The following GRIK4 variants were observed in gnomAD, a reference collection of about 807,000 sequenced individuals.
GRIK4 encodes the protein glutamate ionotropic receptor kainate type subunit 4, also known as glutamate receptor ionotropic, kainate 4.
A neutral mutation model predicts 104.9 loss-of-function variants in GRIK4; 40 were observed. The observed-to-expected ratio is 0.38, with a 90% CI of 0.30 to 0.50. GRIK4 has a LOEUF of 0.50. Among genes scored for constraint, GRIK4 ranks in the 20% least tolerant of loss-of-function variants. The pLI is 0.93. For synonymous variants in GRIK4, 485 were observed against 524.9 expected, an observed-to-expected ratio of 0.92 and a Z score of 1.04; for missense variants, 1,047 against 1,308.1, an observed-to-expected ratio of 0.80 and a Z score of 3.08.
chr11:120,514,095 GA>G (rs1947694173), intron 1 of GRIK4, among the ~76,000 whole-genome samples: 1 of 152,156 alleles, frequency 6.6e-6, no homozygotes, highest in Non-Finnish European at 1.5e-5. Flanking sequence ...AGGACAGGGG[GA>G]CCGGCCCTGG....
At chr11:120,610,833 C>G (rs79342674) in intron 1 of GRIK4, among the ~76,000 whole-genome samples, 4,762 of 152,254 alleles carry the variant, frequency 0.031, 106 homozygotes, top group Middle Eastern at 0.068. Context: ...GGGATTCTTG[C>G]TACAGGTTAT....
In GRIK4 at chr11:120,702,113, G is replaced by A. The variant is rs1359065951; in HGVS notation, c.82+41713G>A. On this transcript the variant is annotated intron_variant, in intron 3 of 20. Transcript: ENST00000527524. Reference sequence around the variant, plus strand: ...TGGGACTACAGGTGCACGCCACCACGCCTGGCTAATTTTTGTATTTTTAGT... The same window carrying A: ...TGGGACTACAGGTGCACGCCACCACACCTGGCTAATTTTTGTATTTTTAGT... 2.6e-5 allele frequency among the ~76,000 whole-genome samples: 4 copies of A among 151,990 alleles called. No individual in the cohort carries two copies. The South Asian group carries it at 6.2e-4, about 24-fold the overall frequency.
At chr11:120,849,163 G>GCACACA (rs143931502) in intron 8 of GRIK4, among the ~76,000 whole-genome samples, 2 of 149,956 alleles carry the variant, frequency 1.3e-5, no homozygotes, top group African/African-American at 2.4e-5. Context: ...CCCAACGCGC[G>GCACACA]CACACACACA....
At chr11:120,582,589 A>G (rs986204549) in intron 1 of GRIK4, among the ~76,000 whole-genome samples, 1 of 152,204 alleles carries the variant, frequency 6.6e-6, no homozygotes, top group Non-Finnish European at 1.5e-5. Flanking sequence ...GCACCCACTT[A>G]TAAGTAAGAA....
At chr11:120,514,438 C>T (rs934558360) in intron 1 of GRIK4, among the ~76,000 whole-genome samples, 2 of 152,192 alleles carry the variant, frequency 1.3e-5, no homozygotes, top group African/African-American at 4.8e-5. Flanking sequence ...GGGTCCCAGG[C>T]CCCTGGACGC....
At chr11:120,704,735 CT>C (rs774632394) in intron 3 of GRIK4, among the ~76,000 whole-genome samples, 2,569 of 142,854 alleles carry the variant, frequency 0.018, 52 homozygotes, top group African/African-American at 0.052. Flanking sequence ...ACTCTGCAAA[CT>C]TTTTTTTTTT....
chr11:120,521,552 A>G (rs903841626), intron 1 of GRIK4, among the ~76,000 whole-genome samples: 2 of 152,152 alleles, frequency 1.3e-5, no homozygotes, highest in Non-Finnish European at 2.9e-5. Flanking sequence ...TAGTTATTTG[A>G]TTGGAAAGTT....
chr11:120,816,282 GAT>G (rs1486568737), intron 5 of GRIK4, among the ~76,000 whole-genome samples: 2 of 152,036 alleles, frequency 1.3e-5, no homozygotes, highest in East Asian at 3.9e-4. Context: ...TTCCCCTTCA[GAT>G]ATATCCTCGG....
intron 13 of GRIK4, among the ~76,000 whole-genome samples, chr11:120,907,007 G>C (rs972807992): frequency 2.6e-5 from 4 of 152,182 alleles, no homozygotes; most frequent in African/African-American, 9.7e-5. Flanking sequence ...CAGGGCGAAG[G>C]CTTCAGCAGA....
chr11:120,516,409 G>A (rs1007635415), intron 1 of GRIK4, among the ~76,000 whole-genome samples: 2 of 152,256 alleles, frequency 1.3e-5, no homozygotes, highest in South Asian at 2.1e-4. Context: ...AGGACTGGGC[G>A]CTCGGGCACA....
At chr11:120,813,514 T>A (rs1952870808) in intron 4 of GRIK4, among the ~76,000 whole-genome samples, 1 of 152,176 alleles carries the variant, frequency 6.6e-6, no homozygotes, top group African/African-American at 2.4e-5. Flanking sequence ...CACTTAGTAC[T>A]GATGAGTCCT....
chr11:120,850,874 G>A (rs1360736287), intron 8 of GRIK4, among the ~76,000 whole-genome samples: 1 of 151,166 alleles, frequency 6.6e-6, no homozygotes, highest in Non-Finnish European at 1.5e-5. Flanking sequence ...ACCATTAGGA[G>A]TAGCAATTGC....
At chr11:120,682,574 C>A (rs1411651187) in intron 3 of GRIK4, among the ~76,000 whole-genome samples, 2 of 145,306 alleles carry the variant, frequency 1.4e-5, no homozygotes, top group African/African-American at 5.1e-5. Context: ...TCTGTCTAGA[C>A]CACTATTTGC....
chr11:120,785,815 C>T (rs1228584851), intron 3 of GRIK4, among the ~76,000 whole-genome samples: 1 of 152,204 alleles, frequency 6.6e-6, no homozygotes. Flanking sequence ...CGTCTCCATG[C>T]GCATCCTCCT....
chr11:120,864,365 G>T (rs1010711478), intron 9 of GRIK4, among the ~76,000 whole-genome samples: 2 of 151,598 alleles, frequency 1.3e-5, no homozygotes, highest in Admixed American at 1.3e-4. Flanking sequence ...CTCAGCCTCC[G>T]GAGTAGCTGG....
At chr11:120,856,682 A>G (rs1286486951) in intron 8 of GRIK4, among the ~76,000 whole-genome samples, 1 of 152,154 alleles carries the variant, frequency 6.6e-6, no homozygotes, top group Admixed American at 6.5e-5. Flanking sequence ...AACATCACGG[A>G]ATGCCACTTC....
At chr11:120,837,991 G>A (rs374693055) in intron 8 of GRIK4, among the ~76,000 whole-genome samples, 74 of 152,264 alleles carry the variant, frequency 4.9e-4, no homozygotes, top group African/African-American at 1.8e-3. Flanking sequence ...ACGAGGTGTC[G>A]CTGGGGTGAT....
Position 120,877,814 on chromosome 11 carries a change from A to AT in GRIK4, c.1164+2572dup, listed in dbSNP as rs1182188624. 4.6e-5 allele frequency among the ~76,000 whole-genome samples: 7 copies of AT among 152,286 alleles called. 1 individual carries two copies. Among genetic ancestry groups the AT allele is most frequent in the African/African-American group, 1.7e-4 (7 of 41,550 alleles). ...TGATGCTCACTCCACAGAAAGCCTG[A>AT]TCCCAGACTTTGAAACACTCCCCTT... On this transcript the variant is annotated intron_variant, in intron 11 of 20. Transcript: ENST00000527524.
intron 13 of GRIK4, among the ~76,000 whole-genome samples, chr11:120,908,494 G>A (rs890307697): frequency 2.6e-5 from 4 of 152,020 alleles, no homozygotes; most frequent in African/African-American, 9.7e-5. Context: ...CAGGAAGTAT[G>A]AGAGCTGTCT....
Sources: gnomAD v4.1 joint callset for allele counts (sites outside exome capture counted in the v4.1 genomes callset) on GRCh38, gnomAD v4.1.1 for gene constraint, MANE v1.5 for transcripts, NCBI Gene and HGNC (gene_info 2026-07-23, HGNC 2026-07-21) for gene names.